The following NTRK2 variants were observed in gnomAD, a reference collection of about 807,000 sequenced individuals.
NTRK2 encodes the protein BDNF/NT-3 growth factors receptor.
Under a neutral mutation model 94.5 loss-of-function variants are expected in NTRK2, and 13 were observed. The observed-to-expected ratio is 0.14, with a 90% CI of 0.09 to 0.22. The LOEUF (loss-of-function observed/expected upper bound fraction) is 0.22. Ranked by LOEUF, NTRK2 falls within the 10% of genes least tolerant of loss-of-function variation. The pLI, the probability that NTRK2 is intolerant of heterozygous loss-of-function variation, is 1.00. For missense variants in NTRK2, 639 were observed against 1,071.2 expected, an observed-to-expected ratio of 0.60 and a Z score of 5.63; for synonymous variants, 372 against 407.4, an observed-to-expected ratio of 0.91 and a Z score of 1.05.
chr9:84,815,240 T>G (rs1487750626), intron 12 of NTRK2: 1 of 1,055,538 alleles, frequency 9.5e-7, no homozygotes, highest in African/African-American at 1.7e-5. Context: ...GGCATGTTCA[T>G]GAGTGAGCAC....
intron 12 of NTRK2, chr9:84,811,848 A>T: frequency 9.4e-7 from 1 of 1,065,088 alleles, no homozygotes; most frequent in Non-Finnish European, 1.1e-6. Context: ...TGACCTTTGT[A>T]TGCTCTGTTC....
chr9:85,017,035 C>T (rs1412371081), intron 17 of NTRK2, among the ~76,000 whole-genome samples: 1 of 152,072 alleles, frequency 6.6e-6, no homozygotes, highest in African/African-American at 2.4e-5. Context: ...GGATAGAGAA[C>T]CAGTATCAGG....
rs12336534 is a variant in NTRK2 at position 85,019,033 on chromosome 9, G to C, written c.2173-1173G>C. On this transcript the variant is annotated intron_variant, in intron 17 of 18. Transcript: ENST00000277120. The stretch of plus-strand genomic sequence containing the variant: ...CTTTTGTACTCTTGTGCTTTCTTTG[G>C]TGCTAAGAACATCACTGGGAATCAC... 7.4e-3 allele frequency among the ~76,000 whole-genome samples: 1,123 copies of C among 152,220 alleles called. 14 individuals are homozygous for C. The highest frequency in any genetic ancestry group is 0.025 in the African/African-American group (1,057 of 41,512).
intron 14 of NTRK2, among the ~76,000 whole-genome samples, chr9:84,870,178 A>C (rs2075786672): frequency 7.1e-6 from 1 of 140,688 alleles, no homozygotes; most frequent in South Asian, 2.3e-4. Flanking sequence ...GTATATATAC[A>C]CACATATATA....
intron 12 of NTRK2, among the ~76,000 whole-genome samples, chr9:84,823,085 C>A (rs2072954132): frequency 6.6e-6 from 1 of 151,996 alleles, no homozygotes; most frequent in Non-Finnish European, 1.5e-5. Flanking sequence ...GCTTCTACTA[C>A]AATCATTTTT....
At chr9:84,974,377 G>A (rs1229840620) in intron 17 of NTRK2, among the ~76,000 whole-genome samples, 1 of 152,188 alleles carries the variant, frequency 6.6e-6, no homozygotes, top group African/African-American at 2.4e-5. Context: ...TGCATGCCTT[G>A]TGCTACTTGG....
intron 2 of NTRK2, among the ~76,000 whole-genome samples, chr9:84,701,534 G>A (rs2060721031): frequency 6.6e-6 from 1 of 152,160 alleles, no homozygotes; most frequent in Non-Finnish European, 1.5e-5. Context: ...TTAGGGGGTG[G>A]GGGAGGGAGG....
rs1397881768 is a variant in NTRK2 at position 84,866,958 on chromosome 9, G to A, written c.1445-285G>A. ...ACATGATGTTAAGTGAAGGAAGCCA[G>A]TTACAAAAGACCACGTGTTATATGG... On this transcript the variant is annotated intron_variant, in intron 13 of 18. Coordinates refer to ENST00000277120, the MANE Select transcript of NTRK2 (RefSeq NM_006180.6). Among the ~76,000 whole-genome samples the A allele has an allele frequency of 2.6e-5, 4 of 152,218 alleles. No homozygotes were observed. The East Asian group carries it at 7.7e-4, about 29-fold the overall frequency.
chr9:84,717,662 G>A (rs1588137584), intron 6 of NTRK2, among the ~76,000 whole-genome samples: 1 of 152,284 alleles, frequency 6.6e-6, no homozygotes, highest in South Asian at 2.1e-4. Flanking sequence ...GACTGATAAG[G>A]TGATAAATGG....
At position 85,023,878 on chromosome 9, in the gene NTRK2, A is replaced by T. The variant is rs1332502866; in HGVS notation, c.*2441A>T. 2.6e-5 allele frequency: 6 copies of T among 229,726 alleles called. No homozygotes were observed. The highest frequency in any genetic ancestry group is 5.2e-5 in the Non-Finnish European group (6 of 115,950). The allele number at this position is 229,726 out of a possible 1,614,324, so 14.2% of individuals were successfully genotyped here. A position where few individuals can be genotyped will look rare whatever the true frequency, so the allele number is the denominator to read the frequency against. Reference sequence around the variant, plus strand: ...TTATTTATTTTATTTTAAGAGAATAAAGTAGGTAATAATTTAAGGGATCAA... The same window carrying T: ...TTATTTATTTTATTTTAAGAGAATATAGTAGGTAATAATTTAAGGGATCAA... On this transcript the variant is annotated 3_prime_UTR_variant, in exon 19 of 19. Coordinates refer to ENST00000277120, the MANE Select transcript of NTRK2 (RefSeq NM_006180.6).
chr9:84,729,731 G>C (rs1021127143), intron 9 of NTRK2, among the ~76,000 whole-genome samples: 1 of 152,180 alleles, frequency 6.6e-6, no homozygotes, highest in African/African-American at 2.4e-5. Flanking sequence ...GTGGCCCTTT[G>C]AAACTCTTGG....
chr9:84,740,179 C>A (rs960617012), intron 9 of NTRK2, among the ~76,000 whole-genome samples: 2 of 152,114 alleles, frequency 1.3e-5, no homozygotes, highest in African/African-American at 4.8e-5. Context: ...TGGTCTAGGG[C>A]TTTTGTAAAG....
intron 17 of NTRK2, among the ~76,000 whole-genome samples, chr9:84,997,576 TA>T (rs1405852784): frequency 6.6e-6 from 1 of 152,094 alleles, no homozygotes; most frequent in African/African-American, 2.4e-5. Flanking sequence ...AGCTGTGAGA[TA>T]GGGGTACTTG....
At chr9:84,722,317 A>G (rs187009348) in intron 6 of NTRK2, among the ~76,000 whole-genome samples, 2 of 152,196 alleles carry the variant, frequency 1.3e-5, no homozygotes, top group African/African-American at 4.8e-5. Context: ...TGGGATAACC[A>G]TGAAATATAG....
At chr9:84,828,275 C>T (rs942774162) in intron 12 of NTRK2, among the ~76,000 whole-genome samples, 1 of 152,190 alleles carries the variant, frequency 6.6e-6, no homozygotes, top group Non-Finnish European at 1.5e-5. Context: ...CCTCTTTGTG[C>T]ACACCTCTAA....
At chr9:84,842,253 T>C (rs558957077) in intron 12 of NTRK2, among the ~76,000 whole-genome samples, 4 of 152,318 alleles carry the variant, frequency 2.6e-5, no homozygotes, top group Admixed American at 2.0e-4. Context: ...CTATCTGCAC[T>C]TCCTTCTTTA....
chr9:84,721,121 G>T (rs1313092288), intron 6 of NTRK2, among the ~76,000 whole-genome samples: 1 of 151,868 alleles, frequency 6.6e-6, no homozygotes, highest in Non-Finnish European at 1.5e-5. Context: ...AGTAAGTATT[G>T]CATATTAGAT....
chr9:84,736,042 A>T (rs1244998866), intron 9 of NTRK2, among the ~76,000 whole-genome samples: 1 of 152,224 alleles, frequency 6.6e-6, no homozygotes, highest in African/African-American at 2.4e-5. Flanking sequence ...AAATGTGAAC[A>T]TCACGTTGAT....
rs377410649 is a variant in NTRK2, at chr9:84,707,702, A to AAG, written c.360-132_360-131dup. On this transcript the variant is annotated intron_variant, in intron 4 of 18. Coordinates refer to ENST00000277120, the MANE Select transcript of NTRK2 (RefSeq NM_006180.6). ...AAAACTCAGCTATCACTCTAAGTGA[A>AAG]AGAGAGAGAGATCTGGATGTAAGTA... 1.2e-3 allele frequency: 814 copies of AAG among 658,198 alleles called. 3 individuals are homozygous for AAG. The African/African-American group carries it at 0.013, about 11-fold the overall frequency. The allele number at this position is 658,198 out of a possible 1,614,324, so 40.8% of individuals were successfully genotyped here. A position where few individuals can be genotyped will look rare whatever the true frequency, so the allele number is the denominator to read the frequency against.
Sources: gnomAD v4.1 joint callset for allele counts (sites outside exome capture counted in the v4.1 genomes callset) on GRCh38, gnomAD v4.1.1 for gene constraint, MANE v1.5 for transcripts, NCBI Gene and HGNC (gene_info 2026-07-23, HGNC 2026-07-21) for gene names.